Variants in ELL2 observed in about 807,000 individuals in gnomAD.
ELL2 encodes the protein RNA polymerase II elongation factor ELL2.
A neutral mutation model predicts 72.8 loss-of-function variants in ELL2; 21 were observed. The observed-to-expected ratio is 0.29, with a 90% CI of 0.20 to 0.42. The LOEUF (loss-of-function observed/expected upper bound fraction) is 0.42. Among genes scored for constraint, ELL2 ranks in the 10% least tolerant of loss-of-function variants. The pLI is 1.00. For synonymous variants in ELL2, 266 were observed against 283.2 expected (o/e 0.94, Z 0.61); for missense variants, 568 against 772.8 (o/e 0.73, Z 3.14).
intron 2 of ELL2, among the ~76,000 whole-genome samples, chr5:95,933,672 T>C (rs1383134294): frequency 6.6e-6 from 1 of 152,158 alleles, no homozygotes; most frequent in African/African-American, 2.4e-5. Flanking sequence ...CAAATGTTTA[T>C]TCACTTTGTT....
intron 10 of ELL2, among the ~76,000 whole-genome samples, chr5:95,889,856 C>G (rs145314434): frequency 2.6e-4 from 37 of 143,878 alleles, no homozygotes; most frequent in African/African-American, 8.6e-4. Context: ...ACACTGGAAA[C>G]CAGTAACAGT....
At chr5:95,912,897 G>T (rs1189886804) in intron 4 of ELL2, among the ~76,000 whole-genome samples, 1 of 152,204 alleles carries the variant, frequency 6.6e-6, no homozygotes, top group Non-Finnish European at 1.5e-5. Flanking sequence ...AAGGGACTTG[G>T]TTCTTCAAGA....
At chr5:95,945,025 C>A (rs577252691) in intron 1 of ELL2, among the ~76,000 whole-genome samples, 1 of 152,284 alleles carries the variant, frequency 6.6e-6, no homozygotes, top group African/African-American at 2.4e-5. Context: ...CTTTCTAGAT[C>A]CATTTCATCC....
intron 1 of ELL2, among the ~76,000 whole-genome samples, chr5:95,949,606 T>C (rs1250917435): frequency 1.3e-5 from 2 of 152,092 alleles, no homozygotes; most frequent in Non-Finnish European, 2.9e-5. Context: ...TCAAGAATTC[T>C]TAAATTATTT....
chr5:95,900,940 G>GA lies in ELL2; in HGVS notation c.866+15dup. On this transcript the variant is annotated intron_variant, in intron 6 of 11. Coordinates refer to ENST00000237853, the MANE Select transcript of ELL2 (RefSeq NM_012081.6). ...TAAAGAAACATTTTTTTAAAAGCAA[G>GA]AAAAAAAGAATTCACCTAGAGAGCA... 6.3e-7 allele frequency: 1 copy of GA among 1,577,168 alleles called. No individual in the cohort carries two copies. Among genetic ancestry groups the GA allele is most frequent in the Non-Finnish European group, 8.5e-7 (1 of 1,170,468 alleles).
At chr5:95,948,335 CAGG>C (rs1365636939) in intron 1 of ELL2, among the ~76,000 whole-genome samples, 5 of 145,712 alleles carry the variant, frequency 3.4e-5, no homozygotes, top group Non-Finnish European at 7.4e-5. Context: ...GAGGCTGAGG[CAGG>C]AGAATGGCGT....
chr5:95,912,029 C>T (rs1325607508), intron 4 of ELL2, among the ~76,000 whole-genome samples: 1 of 152,182 alleles, frequency 6.6e-6, no homozygotes, highest in Non-Finnish European at 1.5e-5. Context: ...CTCTGATAAC[C>T]TCAAATTTCC....
At chr5:95,911,096 G>A (rs910135852) in intron 4 of ELL2, among the ~76,000 whole-genome samples, 2 of 152,204 alleles carry the variant, frequency 1.3e-5, no homozygotes, top group African/African-American at 4.8e-5. Context: ...ATTGAAGGGT[G>A]ATTGATATTT....
intron 10 of ELL2, 126 bp from the exon 11 acceptor site, chr5:95,889,256 C>A: frequency 1.3e-6 from 1 of 784,046 alleles, no homozygotes; most frequent in Non-Finnish European, 2.0e-6. Context: ...TTGAAACAAT[C>A]TTTATGGAAG....
At chr5:95,929,260 CAT>C (rs1491164565) in intron 2 of ELL2, among the ~76,000 whole-genome samples, 4 of 140,262 alleles carry the variant, frequency 2.9e-5, no homozygotes, top group African/African-American at 1.2e-4. Context: ...TGGTCTTCCT[CAT>C]TTTTTTTTTT....
chr5:95,923,054 T>G (rs536810011), intron 2 of ELL2, among the ~76,000 whole-genome samples: 48 of 152,102 alleles, frequency 3.2e-4, no homozygotes, highest in African/African-American at 1.2e-3. Context: ...GGCTGATAAA[T>G]TTTGGATTAT....
At chr5:95,906,111 T>TGCCTAC (rs1749350050) in intron 5 of ELL2, among the ~76,000 whole-genome samples, 1 of 152,180 alleles carries the variant, frequency 6.6e-6, no homozygotes, top group Non-Finnish European at 1.5e-5. Context: ...AAGATACATT[T>TGCCTAC]TAAACTATTT....
rs1561515509 is a variant in ELL2, at chr5:95,950,945, TA to T, written c.148-7897del. ...ATATATATATATATATATATATATA[TA>T]TATATATAAAATCTTCATATATATG... On this transcript the variant is annotated intron_variant, in intron 1 of 11. Transcript: ENST00000237853. Among the ~76,000 whole-genome samples, 41 of 104,624 alleles carry T rather than the reference TA, an allele frequency of 3.9e-4. No individual in the cohort carries two copies. The East Asian group carries it at 9.4e-3, about 24-fold the overall frequency. 68.6% of individuals were successfully genotyped at this position (104,624 alleles called of 152,430 possible).
chr5:95,938,905 A>C (rs1284893988), intron 2 of ELL2, among the ~76,000 whole-genome samples: 1 of 152,180 alleles, frequency 6.6e-6, no homozygotes, highest in East Asian at 1.9e-4. Flanking sequence ...AGTTAGCATT[A>C]TTTCTCACTG....
At chr5:95,904,276 G>T (rs1383651032) in intron 5 of ELL2, among the ~76,000 whole-genome samples, 3 of 152,222 alleles carry the variant, frequency 2.0e-5, no homozygotes, top group African/African-American at 7.2e-5. Context: ...TACACTGTAG[G>T]TACTTAATAA....
rs577072369 is a variant in ELL2, at chr5:95,951,920, T to G, written c.148-8871A>C. On this transcript the variant is annotated intron_variant, in intron 1 of 11. Coordinates refer to ENST00000237853, the MANE Select transcript of ELL2 (RefSeq NM_012081.6). ...AAGAAAACAGGAGACAAATCAAGGG[T>G]TGCTAGTCAATTTCTAGGCAATTTG... Among the ~76,000 whole-genome samples, 18 of 152,238 alleles carry G rather than the reference T, an allele frequency of 1.2e-4. No homozygotes were observed. The South Asian group carries it at 3.5e-3, about 30-fold the overall frequency.
In ELL2 at chr5:95,961,850, C is replaced by CCTG; in HGVS notation, c.-130_-129insCAG. On this transcript the variant is annotated 5_prime_UTR_variant, in exon 1 of 12. Coordinates refer to ENST00000237853, the MANE Select transcript of ELL2 (RefSeq NM_012081.6). Reference sequence around the variant, plus strand: ...CCCGCTGCTGACGTACTGTCATATACTGCGCGGAGCCAGACCTCGGACTGC... The same window carrying CCTG: ...CCCGCTGCTGACGTACTGTCATATACCTGTGCGCGGAGCCAGACCTCGGACTGC... 1 of 1,246,738 alleles carries CCTG rather than the reference C, an allele frequency of 8.0e-7. No individual in the cohort carries two copies. The highest frequency in any genetic ancestry group is 1.7e-5 in the South Asian group (1 of 58,216). The allele number at this position is 1,246,738 out of a possible 1,614,324, so 77.2% of individuals were successfully genotyped here. A position where few individuals can be genotyped will look rare whatever the true frequency, so the allele number is the denominator to read the frequency against.
chr5:95,939,010 C>T (rs1750877893), intron 2 of ELL2, among the ~76,000 whole-genome samples: 5 of 152,170 alleles, frequency 3.3e-5, no homozygotes, highest in Admixed American at 3.3e-4. Flanking sequence ...GGGCATTATT[C>T]ACTATTGAAA....
rs768912227 is a variant in ELL2 at position 95,913,874 on chromosome 5, T to G, written c.378A>C (p.Ala126=). 6.2e-7 allele frequency: 1 copy of G among 1,613,438 alleles called. No homozygotes were observed. ...GFIQDKITVC[A]TNDSYQMTRE... ...GTGTCATCTGATACGAGTCGTTTGT[T>G]GCACACACTGTAATTTTATCTTGTA... is the stretch of plus-strand genomic sequence containing the variant. The change falls in exon 4 of 12, where the codon GCA becomes GCC. Residue 126 remains alanine, a synonymous_variant. Transcript: ENST00000237853.
Sources: allele counts gnomAD v4.1 joint callset (sites outside exome capture counted in the v4.1 genomes callset), GRCh38; gene constraint gnomAD v4.1.1; transcripts MANE v1.5; gene names NCBI Gene and HGNC (gene_info 2026-07-23, HGNC 2026-07-21).